FAM220A: variants seen among roughly 807,000 people sequenced by gnomAD.
The protein encoded by FAM220A is family with sequence similarity 220 member A, also known as protein FAM220A.
For synonymous variants in FAM220A, 141 were observed against 130.7 expected (o/e 1.08, Z -0.54); for missense variants, 392 against 321.6 (o/e 1.22, Z -1.68).
chr7:6,345,308 T>A (rs1781933217), intron 1 of FAM220A, among the ~76,000 whole-genome samples: 1 of 151,724 alleles, frequency 6.6e-6, no homozygotes. Context: ...CAGACTGGGG[T>A]CTTGCTGTGT....
rs376965185 is a variant in FAM220A, at chr7:6,334,097, T to C, written c.-81-2862A>G. ...TCCTGACCTCGTGATCCGCCCACCTTGGCCTCCCAAAGTGCTGGGATTACA... is the reference window on the plus strand; with the variant it reads ...TCCTGACCTCGTGATCCGCCCACCTCGGCCTCCCAAAGTGCTGGGATTACA... On this transcript the variant is annotated intron_variant, in intron 1 of 1. Coordinates refer to ENST00000313324, the MANE Select transcript of FAM220A (RefSeq NM_001037163.2). Among the ~76,000 whole-genome samples the C allele has an allele frequency of 7.3e-4, 110 of 151,374 alleles. 1 individual carries two copies. The South Asian group carries it at 0.013, about 18-fold the overall frequency.
At position 6,348,584 on chromosome 7, in the gene FAM220A, C is replaced by A; in HGVS notation, c.-93G>T. ...CACGGCTCACCCACCTGCAGGCGGACGTTGAGCATCATGGAAGCCACGATG... is the reference window on the plus strand; with the variant it reads ...CACGGCTCACCCACCTGCAGGCGGAAGTTGAGCATCATGGAAGCCACGATG... On this transcript the variant is annotated 5_prime_UTR_variant, in exon 1 of 2. Transcript: ENST00000313324. 2.3e-6 allele frequency: 1 copy of A among 438,590 alleles called. No individual in the cohort carries two copies. The highest frequency in any genetic ancestry group is 3.5e-5 in the East Asian group (1 of 28,774). The allele number at this position is 438,590 out of a possible 1,614,324, so 27.2% of individuals were successfully genotyped here.
intron 1 of FAM220A, 135 bp from the exon 2 acceptor site, chr7:6,331,370 T>A (rs1216236031): frequency 3.3e-6 from 2 of 607,436 alleles, no homozygotes; most frequent in African/African-American, 1.8e-5. Flanking sequence ...ACCATATTGG[T>A]AAGGCTGGTT....
In FAM220A at chr7:6,330,143, T is replaced by C. The variant is rs1327586230; in HGVS notation, c.*232A>G. ...TACAGGCTATGATCGTCTCCTGAAA[T>C]GTTTCCCAATTCTTTATATGTCTTT... On this transcript the variant is annotated 3_prime_UTR_variant, in exon 2 of 2. Transcript: ENST00000313324. 2.0e-5 allele frequency: 11 copies of C among 541,242 alleles called. No individual in the cohort carries two copies. The highest frequency in any genetic ancestry group is 3.0e-5 in the Non-Finnish European group (9 of 299,408). 33.5% of individuals were successfully genotyped at this position (541,242 alleles called of 1,614,324 possible). A position where few individuals can be genotyped will look rare whatever the true frequency, so the allele number is the denominator to read the frequency against.
intron 1 of FAM220A, among the ~76,000 whole-genome samples, chr7:6,340,760 G>A (rs572528133): frequency 5.3e-5 from 8 of 151,694 alleles, no homozygotes; most frequent in Middle Eastern, 3.4e-3. Flanking sequence ...TTAGCCGGGC[G>A]TGGTGGTGGG....
intron 1 of FAM220A, among the ~76,000 whole-genome samples, chr7:6,332,167 G>T (rs1181161534): frequency 2.0e-5 from 3 of 151,054 alleles, no homozygotes; most frequent in Admixed American, 6.6e-5. Context: ...AAAATAACAT[G>T]ACTGGGCATG....
Position 6,348,913 on chromosome 7 carries a change from G to T in FAM220A, c.-422C>A, listed in dbSNP as rs567116352. The T allele has an allele frequency of 5.2e-6, 2 of 385,392 alleles. No individual in the cohort carries two copies. The highest frequency in any genetic ancestry group is 2.1e-5 in the African/African-American group (1 of 48,106). 23.9% of individuals were successfully genotyped at this position (385,392 alleles called of 1,614,324 possible). A position where few individuals can be genotyped will look rare whatever the true frequency, so the allele number is the denominator to read the frequency against. ...CAGTGGAGCGGAGTCCGCACGTCAC[G>T]CTCGGAGAAGTGCCTCCGCGAGCAG... On this transcript the variant is annotated 5_prime_UTR_variant, in exon 1 of 2. Coordinates refer to ENST00000313324, the MANE Select transcript of FAM220A (RefSeq NM_001037163.2).
At chr7:6,340,273 C>T (rs1198489484) in intron 1 of FAM220A, among the ~76,000 whole-genome samples, 1 of 152,148 alleles carries the variant, frequency 6.6e-6, no homozygotes, top group African/African-American at 2.4e-5. Flanking sequence ...CTAAGGGCAT[C>T]CCAGCTGCTG....
At chr7:6,336,656 C>A (rs983418470) in intron 1 of FAM220A, among the ~76,000 whole-genome samples, 2 of 151,174 alleles carry the variant, frequency 1.3e-5, no homozygotes, top group African/African-American at 2.4e-5. Flanking sequence ...TGTACTCCAG[C>A]CTGAGAGAGC....
chr7:6,347,252 C>T lies in FAM220A; in HGVS notation c.-82+1321G>A, dbSNP rs563883754. On this transcript the variant is annotated intron_variant, in intron 1 of 1. Coordinates refer to ENST00000313324, the MANE Select transcript of FAM220A (RefSeq NM_001037163.2). ...TCTCTTGGCTGGGCGCTGTGGCTGA[C>T]GCCTATAATCCCAGCACTTTGGGAG... Among the ~76,000 whole-genome samples, 71 of 152,272 alleles carry T rather than the reference C, an allele frequency of 4.7e-4. 1 individual carries two copies. Among genetic ancestry groups the T allele is most frequent in the African/African-American group, 1.5e-3 (62 of 41,584 alleles).
In FAM220A at chr7:6,330,147, T is replaced by G. The variant is rs1425399229; in HGVS notation, c.*228A>C. ...GGCTATGATCGTCTCCTGAAATGTT[T>G]CCCAATTCTTTATATGTCTTTTAAA... On this transcript the variant is annotated 3_prime_UTR_variant, in exon 2 of 2. Transcript: ENST00000313324. The G allele has an allele frequency of 2.5e-5, 14 of 549,174 alleles. No individual in the cohort carries two copies. The highest frequency in any genetic ancestry group is 4.6e-5 in the Non-Finnish European group (14 of 304,102). The allele number at this position is 549,174 out of a possible 1,614,324, so 34.0% of individuals were successfully genotyped here.
In FAM220A at chr7:6,331,019, A is replaced by G. The variant is rs1781622148; in HGVS notation, c.136T>C (p.Trp46Arg). 6.2e-7 allele frequency: 1 copy of G among 1,614,016 alleles called. No homozygotes were observed. Among genetic ancestry groups the G allele is most frequent in the Non-Finnish European group, 8.5e-7 (1 of 1,180,050 alleles). ...EGPWPADAPS[W>R]MNKPVVDGNS... is the part of the protein sequence containing the mutation. ...CCATCAACCACAGGCTTATTCATCC[A>G]GGAGGGTGCATCTGCAGGCCAAGGG... The change falls in exon 2 of 2, where the codon TGG becomes CGG. Residue 46 changes from tryptophan (W) to arginine (R), a missense_variant. Physicochemically the swap from Trp to Arg is moderately radical, Grantham distance 101 (BLOSUM62 -3). Transcript: ENST00000313324.
At chr7:6,342,250 G>A (rs1304734963) in intron 1 of FAM220A, among the ~76,000 whole-genome samples, 1 of 150,530 alleles carries the variant, frequency 6.6e-6, no homozygotes, top group African/African-American at 2.4e-5. Flanking sequence ...CTGTCTTATA[G>A]AAACAGTGTC....
At chr7:6,348,429 C>G in intron 1 of FAM220A, 144 bp downstream of exon 1, 1 of 396,688 alleles carries the variant, frequency 2.5e-6, no homozygotes. Flanking sequence ...GTGGATCTCC[C>G]CAAAGTAGGG....
intron 1 of FAM220A, among the ~76,000 whole-genome samples, chr7:6,345,436 G>A (rs1394790333): frequency 6.6e-6 from 1 of 152,040 alleles, no homozygotes; most frequent in Non-Finnish European, 1.5e-5. Flanking sequence ...TTGTTTTTTA[G>A]AAGTTGCCTC....
At chr7:6,336,554 G>A (rs1206060155) in intron 1 of FAM220A, among the ~76,000 whole-genome samples, 1 of 151,690 alleles carries the variant, frequency 6.6e-6, no homozygotes, top group Non-Finnish European at 1.5e-5. Flanking sequence ...GGTTGCACAT[G>A]CCTATAATCC....
At chr7:6,348,155 C>G (rs918131980) in intron 1 of FAM220A, among the ~76,000 whole-genome samples, 3 of 151,716 alleles carry the variant, frequency 2.0e-5, no homozygotes, top group African/African-American at 7.3e-5. Flanking sequence ...GGTAATCCGC[C>G]CGCCTCAGCC....
At chr7:6,348,375 A>AC (rs1206830598) in intron 1 of FAM220A, among the ~76,000 whole-genome samples, 198 bp downstream of exon 1, 1 of 151,904 alleles carries the variant, frequency 6.6e-6, no homozygotes, top group Non-Finnish European at 1.5e-5. Context: ...GCTTAACCTG[A>AC]CCCCCAGTGC....
intron 1 of FAM220A, among the ~76,000 whole-genome samples, chr7:6,348,286 G>C (rs925554056): frequency 2.6e-5 from 4 of 151,256 alleles, no homozygotes; most frequent in Non-Finnish European, 5.9e-5. Flanking sequence ...ATTTAATAAA[G>C]GTCCTCTTCA....
Sources: allele counts gnomAD v4.1 joint callset (sites outside exome capture counted in the v4.1 genomes callset), GRCh38; gene constraint gnomAD v4.1.1; transcripts MANE v1.5; gene names NCBI Gene and HGNC (gene_info 2026-07-23, HGNC 2026-07-21).